The following MEI4 variants were observed in gnomAD, a reference collection of about 807,000 sequenced individuals.
MEI4 encodes meiotic double-stranded break formation protein 4.
MEI4 carries 27 observed loss-of-function variants against 31.4 expected under a neutral mutation model. The observed-to-expected ratio is 0.86, with a 90% CI of 0.63 to 1.19. MEI4 has a LOEUF of 1.19. Ranked by LOEUF, MEI4 falls within the 50% of genes most tolerant of loss-of-function variation. The pLI, the probability that MEI4 is intolerant of heterozygous loss-of-function variation, is 0.00. For missense variants in MEI4, 329 were observed against 398.9 expected, an observed-to-expected ratio of 0.82 and a Z score of 1.49; for synonymous variants, 122 against 145.4, an observed-to-expected ratio of 0.84 and a Z score of 1.16.
chr6:77,735,386 A>G (rs577203096), intron 2 of MEI4, among the ~76,000 whole-genome samples: 62 of 151,722 alleles, frequency 4.1e-4, no homozygotes, highest in African/African-American at 1.4e-3. Context: ...CATTCATTTC[A>G]TCTTCCATCA....
chr6:77,677,031 T>C (rs2127647611), intron 1 of MEI4, among the ~76,000 whole-genome samples: 1 of 152,278 alleles, frequency 6.6e-6, no homozygotes, highest in East Asian at 1.9e-4. Flanking sequence ...ATGTTAATGG[T>C]CTATAGAGAG....
chr6:77,696,055 G>T (rs1442884996), intron 2 of MEI4, among the ~76,000 whole-genome samples: 1 of 152,058 alleles, frequency 6.6e-6, no homozygotes, highest in African/African-American at 2.4e-5. Flanking sequence ...TCATGATTCG[G>T]CTCTCTGTTT....
At chr6:77,793,873 G>C (rs2127697215) in intron 3 of MEI4, among the ~76,000 whole-genome samples, 1 of 152,030 alleles carries the variant, frequency 6.6e-6, no homozygotes, top group African/African-American at 2.4e-5. Context: ...AGAGGAGAAA[G>C]GTACAAAGGA....
intron 1 of MEI4, among the ~76,000 whole-genome samples, chr6:77,676,534 T>G (rs1020118048): frequency 4.6e-5 from 7 of 152,066 alleles, no homozygotes; most frequent in Admixed American, 2.0e-4. Flanking sequence ...TCAATAATAA[T>G]AATAATAATA....
chr6:77,739,124 C>G (rs534388712), intron 2 of MEI4, among the ~76,000 whole-genome samples: 1 of 152,190 alleles, frequency 6.6e-6, no homozygotes, highest in South Asian at 2.1e-4. Context: ...GTTGCAATAG[C>G]TTTTGGTGTT....
intron 3 of MEI4, among the ~76,000 whole-genome samples, chr6:77,777,949 G>C (rs554653053): frequency 6.6e-6 from 1 of 151,996 alleles, no homozygotes; most frequent in South Asian, 2.1e-4. Flanking sequence ...GGAAGGTTTG[G>C]TACATAAAAA....
intron 4 of MEI4, among the ~76,000 whole-genome samples, chr6:77,871,385 A>G (rs1290366206): frequency 6.6e-6 from 1 of 152,224 alleles, no homozygotes; most frequent in Non-Finnish European, 1.5e-5. Context: ...TATTTTGTAG[A>G]TCTAAATACA....
chr6:77,711,882 G>T (rs961471327), intron 2 of MEI4, among the ~76,000 whole-genome samples: 10 of 152,066 alleles, frequency 6.6e-5, no homozygotes, highest in African/African-American at 2.4e-4. Flanking sequence ...CTGAACATTT[G>T]GGGTATACTT....
At position 77,729,642 on chromosome 6, in the gene MEI4, C is replaced by G. The variant is rs550368056; in HGVS notation, c.233-31488C>G. 3.3e-5 allele frequency among the ~76,000 whole-genome samples: 5 copies of G among 152,246 alleles called. No homozygotes were observed. In the South Asian group the frequency reaches 1.0e-3, roughly 32 times the overall value. ...AAAGAGCAAAGCAGTACTTTACAGACTTCTTCAATTAATCACCCCCTTTTT... is the reference window on the plus strand; with the variant it reads ...AAAGAGCAAAGCAGTACTTTACAGAGTTCTTCAATTAATCACCCCCTTTTT... On this transcript the variant is annotated intron_variant, in intron 2 of 4. Coordinates refer to ENST00000684080, the MANE Select transcript of MEI4 (RefSeq NM_001322247.2).
intron 2 of MEI4, among the ~76,000 whole-genome samples, chr6:77,744,489 C>G (rs1005275800): frequency 2.6e-5 from 4 of 152,008 alleles, no homozygotes; most frequent in African/African-American, 4.8e-5. Context: ...AAATCTACGT[C>G]TGATTGGTGT....
At chr6:77,751,599 A>C (rs1767777154) in intron 2 of MEI4, among the ~76,000 whole-genome samples, 1 of 152,150 alleles carries the variant, frequency 6.6e-6, no homozygotes, top group Non-Finnish European at 1.5e-5. Flanking sequence ...ACCAATAACA[A>C]GTTCTGAAAT....
intron 2 of MEI4, among the ~76,000 whole-genome samples, chr6:77,727,392 GATT>G (rs996576111): frequency 6.6e-6 from 1 of 152,182 alleles, no homozygotes; most frequent in African/African-American, 2.4e-5. Context: ...AGGACTATGA[GATT>G]ATTTCCTTGG....
chr6:77,840,400 TAAAGGA>T (rs1489749089), intron 4 of MEI4, among the ~76,000 whole-genome samples: 2 of 152,030 alleles, frequency 1.3e-5, no homozygotes, highest in African/African-American at 4.8e-5. Context: ...TTGTGGTCCC[TAAAGGA>T]AAAGGGAAAG....
intron 4 of MEI4, among the ~76,000 whole-genome samples, chr6:77,902,820 C>T (rs191805264): frequency 1.9e-3 from 282 of 152,180 alleles, no homozygotes; most frequent in South Asian, 0.011. Flanking sequence ...CAAGTTGTCC[C>T]GCCTCATCAT....
Position 77,690,327 on chromosome 6 carries a change from T to C in MEI4, c.-14-331T>C, listed in dbSNP as rs918877379. ...TAAATCAGAATTTTGAGGGAGTATA[T>C]TTTGAAAGCTCCCTCAGAGATTCTG... On this transcript the variant is annotated intron_variant, in intron 1 of 4. Coordinates refer to ENST00000684080, the MANE Select transcript of MEI4 (RefSeq NM_001322247.2). Among the ~76,000 whole-genome samples the C allele has an allele frequency of 3.9e-5, 6 of 152,158 alleles. No homozygotes were observed. The East Asian group carries it at 1.2e-3, about 29-fold the overall frequency.
At chr6:77,862,528 G>A (rs1770893556) in intron 4 of MEI4, among the ~76,000 whole-genome samples, 1 of 152,210 alleles carries the variant, frequency 6.6e-6, no homozygotes. Context: ...TGCTGGGGGA[G>A]GGGCACCTGC....
intron 4 of MEI4, among the ~76,000 whole-genome samples, chr6:77,913,544 T>A (rs545997812): frequency 1.3e-5 from 2 of 152,248 alleles, no homozygotes; most frequent in African/African-American, 4.8e-5. Flanking sequence ...AATTTATTTA[T>A]CTCCTCGAGA....
chr6:77,798,990 TC>T (rs1199766118), intron 3 of MEI4, among the ~76,000 whole-genome samples: 1 of 152,086 alleles, frequency 6.6e-6, no homozygotes, highest in African/African-American at 2.4e-5. Context: ...TGATTTATAG[TC>T]CTTTGGGTAT....
At chr6:77,734,537 A>C (rs1477425303) in intron 2 of MEI4, among the ~76,000 whole-genome samples, 3 of 151,964 alleles carry the variant, frequency 2.0e-5, no homozygotes, top group South Asian at 2.1e-4. Flanking sequence ...GTGTCTCTGC[A>C]CGTGAGATGG....
Sources: allele counts gnomAD v4.1 joint callset (sites outside exome capture counted in the v4.1 genomes callset), GRCh38; gene constraint gnomAD v4.1.1; transcripts MANE v1.5; gene names NCBI Gene and HGNC (gene_info 2026-07-23, HGNC 2026-07-21).